SWT1: variants seen among roughly 807,000 people sequenced by gnomAD.
SWT1 encodes the protein transcriptional protein SWT1.
SWT1 carries 33 observed loss-of-function variants against 107.3 expected under a neutral mutation model. The observed-to-expected ratio is 0.31, with a 90% CI of 0.23 to 0.41. The LOEUF (loss-of-function observed/expected upper bound fraction) is 0.41, where lower values mean the gene tolerates loss of function less well. Ranked by LOEUF, SWT1 falls within the 10% of genes least tolerant of loss-of-function variation. The pLI is 1.00. For synonymous variants in SWT1, 345 were observed against 348.3 expected (o/e 0.99, Z 0.11); for missense variants, 898 against 1,028.9 (o/e 0.87, Z 1.74).
chr1:185,182,183 G>C, intron 7 of SWT1, 126 bp downstream of exon 7: 4 of 937,008 alleles, frequency 4.3e-6, no homozygotes, highest in Non-Finnish European at 6.0e-6. Context: ...GAATGATAAA[G>C]TAATAGTTTA....
intron 18 of SWT1, among the ~76,000 whole-genome samples, chr1:185,285,214 T>G (rs1271526797): frequency 6.6e-6 from 1 of 152,142 alleles, no homozygotes; most frequent in Non-Finnish European, 1.5e-5. Context: ...CTTCAGGGCT[T>G]CTCAGCAGTG....
intron 10 of SWT1, among the ~76,000 whole-genome samples, chr1:185,197,814 A>AT (rs1036090742): frequency 1.3e-5 from 2 of 151,556 alleles, no homozygotes; most frequent in African/African-American, 4.8e-5. Context: ...CCCCTTTATC[A>AT]TTTTTTTATT....
chr1:185,206,359 CTA>C (rs986656152), intron 12 of SWT1, among the ~76,000 whole-genome samples: 10 of 152,248 alleles, frequency 6.6e-5, no homozygotes, highest in Admixed American at 2.0e-4. Flanking sequence ...GCTGATAAAA[CTA>C]TGTTTCCTCT....
chr1:185,198,242 G>A (rs999664894), intron 10 of SWT1, among the ~76,000 whole-genome samples: 2 of 152,202 alleles, frequency 1.3e-5, no homozygotes, highest in East Asian at 1.9e-4. Context: ...ATGACGTTGT[G>A]TGGTTTTGAG....
chr1:185,196,409 T>C (rs1657394839), intron 10 of SWT1, among the ~76,000 whole-genome samples: 1 of 152,170 alleles, frequency 6.6e-6, no homozygotes, highest in African/African-American at 2.4e-5. Context: ...GAGTTTGAAG[T>C]CAGGTAATGT....
At chr1:185,244,778 T>C (rs897866049) in intron 16 of SWT1, among the ~76,000 whole-genome samples, 2 of 152,198 alleles carry the variant, frequency 1.3e-5, no homozygotes, top group African/African-American at 4.8e-5. Flanking sequence ...CCAGTAACAC[T>C]TAGCTTAGAA....
chr1:185,219,616 A>G (rs188501489), intron 14 of SWT1, among the ~76,000 whole-genome samples: 29 of 152,302 alleles, frequency 1.9e-4, no homozygotes, highest in Admixed American at 7.2e-4. Flanking sequence ...CCAAGACCAA[A>G]AAACTAAGTT....
At chr1:185,182,242 A>G (rs944756462) in intron 7 of SWT1, among the ~76,000 whole-genome samples, 185 bp downstream of exon 7, 3 of 152,186 alleles carry the variant, frequency 2.0e-5, no homozygotes, top group Non-Finnish European at 4.4e-5. Flanking sequence ...TTGGTTTTAC[A>G]TATTTCATAT....
chr1:185,212,912 AT>A (rs775968730), intron 13 of SWT1, among the ~76,000 whole-genome samples: 9 of 152,220 alleles, frequency 5.9e-5, no homozygotes, highest in Admixed American at 1.3e-4. Flanking sequence ...TGAATTATAT[AT>A]TTGTTTAACT....
chr1:185,223,394 C>G (rs1457986201), intron 15 of SWT1, among the ~76,000 whole-genome samples: 7 of 151,984 alleles, frequency 4.6e-5, no homozygotes, highest in African/African-American at 1.5e-4. Flanking sequence ...CCAGGTTGGT[C>G]TCAAACTCCT....
intron 16 of SWT1, among the ~76,000 whole-genome samples, chr1:185,238,161 A>G (rs964873626): frequency 4.0e-5 from 6 of 151,790 alleles, no homozygotes; most frequent in Admixed American, 1.3e-4. Flanking sequence ...TAATTTTTGT[A>G]TTTTTTGTAG....
At chr1:185,205,399 G>A (rs1036235960) in intron 12 of SWT1, among the ~76,000 whole-genome samples, 4 of 152,046 alleles carry the variant, frequency 2.6e-5, no homozygotes, top group African/African-American at 4.8e-5. Context: ...ACGGTGTCTC[G>A]CTCTTGTTGT....
rs573094013 is a variant in SWT1, at chr1:185,202,044, C to G, written c.1524-610C>G. Among the ~76,000 whole-genome samples the G allele has an allele frequency of 2.6e-5, 4 of 152,206 alleles. No individual in the cohort carries two copies. In the South Asian group the frequency reaches 8.3e-4, roughly 32 times the overall value. On this transcript the variant is annotated intron_variant, in intron 10 of 18. Coordinates refer to ENST00000367500, the MANE Select transcript of SWT1 (RefSeq NM_017673.7). Reference sequence around the variant, plus strand: ...ACAGAAGCTGGAAGCCTACTGGCCTCCAGAACAATTTAATAAACACAGATA... The same window carrying G: ...ACAGAAGCTGGAAGCCTACTGGCCTGCAGAACAATTTAATAAACACAGATA...
intron 15 of SWT1, among the ~76,000 whole-genome samples, chr1:185,228,169 GTATA>G (rs757812651): frequency 2.5e-5 from 2 of 79,322 alleles, no homozygotes; most frequent in African/African-American, 4.9e-5. Context: ...AAAAAAATGT[GTATA>G]TATATATATA....
chr1:185,171,743 T>A (rs541413111), intron 4 of SWT1: 236 of 439,920 alleles, frequency 5.4e-4, no homozygotes, highest in African/African-American at 4.4e-3. Context: ...GCATTTTTTT[T>A]TTCTGTTGCC....
chr1:185,223,987 T>C (rs1219390209), intron 15 of SWT1, among the ~76,000 whole-genome samples: 3 of 152,210 alleles, frequency 2.0e-5, no homozygotes, highest in Non-Finnish European at 2.9e-5. Context: ...AAGAATGAGA[T>C]CATGTCCTTT....
At chr1:185,257,298 G>A (rs1164222767) in intron 16 of SWT1, among the ~76,000 whole-genome samples, 1 of 152,074 alleles carries the variant, frequency 6.6e-6, no homozygotes. Context: ...TTGAGCTGTG[G>A]TGGGCTCCAC....
chr1:185,224,180 T>C (rs1296282021), intron 15 of SWT1, among the ~76,000 whole-genome samples: 1 of 152,188 alleles, frequency 6.6e-6, no homozygotes, highest in Non-Finnish European at 1.5e-5. Flanking sequence ...GTTGTTTCCT[T>C]CACTGTGTAA....
chr1:185,174,614 T>C lies in SWT1; in HGVS notation c.467T>C (p.Ile156Thr). ...ATTAAAAGCCTTAGTAGTCCTAAGA[T>C]TGCCAGTGATGTGAAACCTAAAGCC... ...HGIKSLSSPK[I>T]ASDVKPKAEG... The change falls in exon 5 of 19, where the codon ATT (isoleucine) becomes ACT (threonine). Residue 156 changes from isoleucine to threonine, a missense_variant. Ile to Thr is a moderately conservative substitution (Grantham distance 89). This residue lies in a region of SWT1 where 382 missense variants were observed against 362.4 expected (regional missense o/e 1.05). Transcript: ENST00000367500. 1 of 1,611,536 alleles carries C rather than the reference T, an allele frequency of 6.2e-7. No homozygotes were observed. Among genetic ancestry groups the C allele is most frequent in the Non-Finnish European group, 8.5e-7 (1 of 1,179,406 alleles).
Sources: gnomAD v4.1 joint callset for allele counts (sites outside exome capture counted in the v4.1 genomes callset) on GRCh38, gnomAD v4.1.1 for gene constraint, gnomAD v4.1.1 regional missense constraint, MANE v1.5 for transcripts, NCBI Gene and HGNC (gene_info 2026-07-23, HGNC 2026-07-21) for gene names.